ANKRD18B: variants seen among roughly 807,000 people sequenced by gnomAD.
ANKRD18B encodes the protein ankyrin repeat domain-containing protein 18B.
Under a neutral mutation model 111.8 loss-of-function variants are expected in ANKRD18B, and 75 were observed. That is an observed-to-expected ratio of 0.67 (90% CI 0.56 to 0.81). ANKRD18B has a LOEUF of 0.81. ANKRD18B is among the 40% of genes least tolerant of loss of function. ANKRD18B has a pLI of 0.00. For synonymous variants in ANKRD18B, 356 were observed against 417.3 expected (o/e 0.85, Z 1.79); for missense variants, 1,038 against 1,225.5 (o/e 0.85, Z 2.28).
chr9:33,545,079 C>T (rs1472652211), intron 10 of ANKRD18B, among the ~76,000 whole-genome samples: 1 of 152,150 alleles, frequency 6.6e-6, no homozygotes, highest in Non-Finnish European at 1.5e-5. Context: ...CCATCTCACT[C>T]AGGTCTTATC....
chr9:33,525,790 T>C (rs1211073544), intron 1 of ANKRD18B, among the ~76,000 whole-genome samples: 1 of 149,722 alleles, frequency 6.7e-6, no homozygotes, highest in South Asian at 2.1e-4. Flanking sequence ...GAAAAGTGTA[T>C]CTTCATCCTA....
At chr9:33,535,860 T>C (rs1022293779) in intron 5 of ANKRD18B, among the ~76,000 whole-genome samples, 30 of 148,934 alleles carry the variant, frequency 2.0e-4, no homozygotes, top group Admixed American at 7.4e-4. Context: ...ATAATGAAAA[T>C]CATTATAAAA....
In ANKRD18B at chr9:33,548,165, G is replaced by T. The variant is rs201984104; in HGVS notation, c.1377G>T (p.Ser459=). ...EMITKKVAQY[S]QQLNDLKAEN... ...TAACAAAAAAAGTGGCCCAGTATTC[G>T]CAACAGCTTAATGATCTGAAAGCTG... Residue 459 remains serine (S), a synonymous_variant, in exon 11 of 19, where the codon TCG becomes TCT. Coordinates refer to ENST00000684830, the MANE Select transcript of ANKRD18B (RefSeq NM_001393611.1). The T allele has an allele frequency of 1.3e-6, 2 of 1,542,374 alleles. No individual in the cohort carries two copies. Among genetic ancestry groups the T allele is most frequent in the South Asian group, 1.2e-5 (1 of 81,492 alleles).
chr9:33,547,842 T>G, intron 10 of ANKRD18B, 96 bp from the exon 11 acceptor site: 1 of 893,338 alleles, frequency 1.1e-6, no homozygotes, highest in Non-Finnish European at 1.6e-6. Flanking sequence ...ACAGCAACTT[T>G]TAATTGCATG....
chr9:33,552,220 A>G (rs1184394002), intron 12 of ANKRD18B, among the ~76,000 whole-genome samples: 1 of 152,238 alleles, frequency 6.6e-6, no homozygotes, highest in Admixed American at 6.5e-5. Context: ...AATTAGTCTA[A>G]TAGAGGAGAA....
intron 14 of ANKRD18B, among the ~76,000 whole-genome samples, chr9:33,563,124 G>T (rs1828631397): frequency 6.6e-6 from 1 of 152,200 alleles, no homozygotes; most frequent in East Asian, 1.9e-4. Flanking sequence ...TCTCAATAAT[G>T]TTTGTCATCA....
intron 14 of ANKRD18B, among the ~76,000 whole-genome samples, chr9:33,561,730 G>C (rs529002397): frequency 3.3e-5 from 5 of 152,152 alleles, no homozygotes; most frequent in Non-Finnish European, 4.4e-5. Flanking sequence ...TTTGCACATG[G>C]ATACCCAGTT....
intron 12 of ANKRD18B, among the ~76,000 whole-genome samples, chr9:33,555,047 G>A (rs1828502481): frequency 7.4e-6 from 1 of 135,734 alleles, no homozygotes; most frequent in African/African-American, 2.5e-5. Context: ...CACAATAAGT[G>A]ATGAAAAACA....
chr9:33,548,149 A>C lies in ANKRD18B; in HGVS notation c.1361A>C (p.Lys454Thr), dbSNP rs1260550031. ...CTCAATGAAGAAATGATAACAAAAA[A>C]AGTGGCCCAGTATTCGCAACAGCTT... ...VRLNEEMITK[K>T]VAQYSQQLND... is the part of the protein sequence containing the mutation. The change falls in exon 11 of 19, where the codon AAA becomes ACA. Residue 454 changes from lysine to threonine, a missense_variant. This residue lies in a region of ANKRD18B where 205 missense variants were observed against 201.3 expected (regional missense o/e 1.02). Coordinates refer to ENST00000684830, the MANE Select transcript of ANKRD18B (RefSeq NM_001393611.1). 1.3e-6 allele frequency: 2 copies of C among 1,536,246 alleles called. No homozygotes were observed. The highest frequency in any genetic ancestry group is 4.9e-5 in the East Asian group (2 of 40,784).
intron 14 of ANKRD18B, among the ~76,000 whole-genome samples, chr9:33,565,955 G>A (rs1828677998): frequency 6.6e-6 from 1 of 152,122 alleles, no homozygotes; most frequent in Admixed American, 6.6e-5. Context: ...GAACAAAAAT[G>A]AATTATCAGA....
Position 33,548,661 on chromosome 9 carries a change from C to T in ANKRD18B, c.1873C>T (p.Leu625Phe). The change falls in exon 11 of 19, where the codon CTC (leucine) becomes TTC (phenylalanine). Residue 625 changes from leucine (L) to phenylalanine (F), a missense_variant. Leu to Phe is a conservative substitution (Grantham distance 22). Coordinates refer to ENST00000684830, the MANE Select transcript of ANKRD18B (RefSeq NM_001393611.1). ...ERIRQRELEN[L>F]LLERQLEDAR... Reference sequence around the variant, plus strand: ...AATACGTCAACGAGAACTTGAAAATCTCTTGCTTGAACGACAACTAGAGGA... The same window carrying T: ...AATACGTCAACGAGAACTTGAAAATTTCTTGCTTGAACGACAACTAGAGGA... 1 of 1,551,208 alleles carries T rather than the reference C, an allele frequency of 6.4e-7. No individual in the cohort carries two copies. Among genetic ancestry groups the T allele is most frequent in the Non-Finnish European group, 8.7e-7 (1 of 1,146,668 alleles).
rs1252882409 is a variant in ANKRD18B, at chr9:33,548,375, G to A, written c.1587G>A (p.Met529Ile). ...ATGATGTTTCTAGACATGAAACAAT[G>A]GGTTCTAATATTTCTCAACTAACAG... ...RADDVSRHET[M>I]GSNISQLTDK... The change falls in exon 11 of 19, where the codon ATG becomes ATA. Residue 529 changes from methionine to isoleucine, a missense_variant. Transcript: ENST00000684830. 3 of 1,550,124 alleles carry A rather than the reference G, an allele frequency of 1.9e-6. No homozygotes were observed. The African/African-American group carries it at 4.1e-5, about 21-fold the overall frequency.
intron 4 of ANKRD18B, 133 bp downstream of exon 4, chr9:33,533,678 G>A (rs1357837327): frequency 1.4e-6 from 2 of 1,395,478 alleles, no homozygotes; most frequent in African/African-American, 3.0e-5. Context: ...AAAATAACAT[G>A]AATAATCAGG....
Position 33,548,304 on chromosome 9 carries a change from G to A in ANKRD18B, c.1516G>A (p.Glu506Lys). Residue 506 changes from glutamate to lysine, a missense_variant, in exon 11 of 19, where the codon GAA becomes AAA. Glu to Lys is a moderately conservative substitution (Grantham distance 56). Transcript: ENST00000684830. ...GGCCACTGCTATAAATGAGTACAAT[G>A]AAATTTTGGAAAGAAAAGACCTAGA... ...NLATAINEYN[E>K]ILERKDLELV... The A allele has an allele frequency of 1.3e-6, 2 of 1,549,708 alleles. No individual in the cohort carries two copies. Among genetic ancestry groups the A allele is most frequent in the South Asian group, 1.2e-5 (1 of 83,352 alleles).
Position 33,548,319 on chromosome 9 carries a change from A to G in ANKRD18B, c.1531A>G (p.Lys511Glu). The change falls in exon 11 of 19, where the codon AAA becomes GAA. Residue 511 changes from lysine to glutamate, a missense_variant. Lys to Glu is a moderately conservative substitution (Grantham distance 56, BLOSUM62 1). Coordinates refer to ENST00000684830, the MANE Select transcript of ANKRD18B (RefSeq NM_001393611.1). ...TGAGTACAATGAAATTTTGGAAAGA[A>G]AAGACCTAGAACTAGTTTTATGGAG... is the stretch of plus-strand genomic sequence containing the variant. ...INEYNEILER[K>E]DLELVLWRAD... 1 of 1,549,574 alleles carries G rather than the reference A, an allele frequency of 6.5e-7. No homozygotes were observed. The highest frequency in any genetic ancestry group is 8.7e-7 in the Non-Finnish European group (1 of 1,146,244).
chr9:33,541,623 A>T (rs1420962328), intron 9 of ANKRD18B, among the ~76,000 whole-genome samples: 1 of 152,264 alleles, frequency 6.6e-6, no homozygotes, highest in Non-Finnish European at 1.5e-5. Flanking sequence ...ACTTCAGCCT[A>T]GAACTTTGAG....
intron 12 of ANKRD18B, among the ~76,000 whole-genome samples, chr9:33,554,962 C>T (rs572027147): frequency 5.9e-4 from 87 of 146,794 alleles, no homozygotes; most frequent in Non-Finnish European, 1.0e-3. Context: ...TGTCTGTTAC[C>T]TAGGTTTTGC....
intron 14 of ANKRD18B, among the ~76,000 whole-genome samples, chr9:33,565,181 A>T (rs1026953459): frequency 6.6e-6 from 1 of 152,172 alleles, no homozygotes; most frequent in Non-Finnish European, 1.5e-5. Context: ...ATTGATTCTG[A>T]GTTTATTTTG....
rs770801503 is a variant in ANKRD18B at position 33,550,463 on chromosome 9, G to A, written c.2101G>A (p.Asp701Asn). ...IVREFQEELV[D>N]HLKKFSMSES... is the part of the protein sequence containing the mutation. The stretch of plus-strand genomic sequence containing the variant: ...GAGAGAATTTCAAGAAGAACTGGTC[G>A]ATCATCTTAAAAAATTTTCAATGTC... The change falls in exon 12 of 19, where the codon GAT becomes AAT. Residue 701 changes from aspartate (D) to asparagine (N), a missense_variant. Physicochemically the swap from Asp to Asn is conservative, Grantham distance 23 (BLOSUM62 1). Transcript: ENST00000684830. 72 of 1,545,816 alleles carry A rather than the reference G, an allele frequency of 4.7e-5. No homozygotes were observed. The highest frequency in any genetic ancestry group is 2.7e-5 in the African/African-American group (2 of 72,806).
Sources: allele counts gnomAD v4.1 joint callset (sites outside exome capture counted in the v4.1 genomes callset), GRCh38; gene constraint gnomAD v4.1.1; regional missense constraint gnomAD v4.1.1; transcripts MANE v1.5; gene names NCBI Gene and HGNC (gene_info 2026-07-23, HGNC 2026-07-21).